The following MTHFD1L variants were observed in gnomAD, a reference collection of about 807,000 sequenced individuals.
MTHFD1L encodes the protein methylenetetrahydrofolate dehydrogenase (NADP+ dependent) 1 like.
MTHFD1L carries 81 observed loss-of-function variants against 119.5 expected under a neutral mutation model. The ratio of observed to expected loss-of-function variants is 0.68; its 90% confidence interval spans 0.57 to 0.82. The LOEUF (loss-of-function observed/expected upper bound fraction) is 0.82, where lower values mean the gene tolerates loss of function less well. Ranked by LOEUF, MTHFD1L falls within the 40% of genes least tolerant of loss-of-function variation. The pLI, the probability that MTHFD1L is intolerant of heterozygous loss-of-function variation, is 0.00. For missense variants in MTHFD1L, 1,125 were observed against 1,253.4 expected (o/e 0.90, Z 1.55); for synonymous variants, 430 against 475.2 (o/e 0.90, Z 1.24).
At chr6:151,086,110 A>G (rs1793770378) in intron 26 of MTHFD1L, among the ~76,000 whole-genome samples, 1 of 152,174 alleles carries the variant, frequency 6.6e-6, no homozygotes, top group Non-Finnish European at 1.5e-5. Context: ...AAGAGCACAC[A>G]CCATCAACCC....
intron 26 of MTHFD1L, among the ~76,000 whole-genome samples, chr6:151,045,307 A>G (rs1195639030): frequency 6.6e-6 from 1 of 152,046 alleles, no homozygotes. Context: ...TGCGCTCCCC[A>G]TGATGTGAGA....
At chr6:150,959,375 G>A (rs139638803) in intron 17 of MTHFD1L, 8 of 194,518 alleles carry the variant, frequency 4.1e-5, no homozygotes, top group African/African-American at 1.7e-4. Context: ...AAGCTGGGGC[G>A]TAATGAAGTG....
chr6:150,953,291 C>T (rs1399010162), intron 16 of MTHFD1L, among the ~76,000 whole-genome samples: 1 of 152,134 alleles, frequency 6.6e-6, no homozygotes, highest in African/African-American at 2.4e-5. Context: ...AGGACATAGT[C>T]AGCACTGTAG....
intron 1 of MTHFD1L, chr6:150,866,259 A>T (rs1266855148): frequency 6.3e-6 from 9 of 1,436,080 alleles, no homozygotes; most frequent in Non-Finnish European, 8.2e-6. Flanking sequence ...CCAGTACCCG[A>T]CCGGGCCCGC....
At chr6:150,951,033 G>GTTTTTTT (rs562283052) in intron 16 of MTHFD1L, among the ~76,000 whole-genome samples, 3 of 125,922 alleles carry the variant, frequency 2.4e-5, no homozygotes, top group African/African-American at 5.8e-5. Flanking sequence ...AAACTTTATG[G>GTTTTTTT]TTTTTTTTTT....
intron 20 of MTHFD1L, among the ~76,000 whole-genome samples, chr6:151,002,719 G>A (rs1415051110): frequency 6.6e-6 from 1 of 152,210 alleles, no homozygotes; most frequent in African/African-American, 2.4e-5. Context: ...AGTGCACAGG[G>A]TTACAACGAT....
At chr6:150,929,446 T>G (rs75064188) in intron 11 of MTHFD1L, among the ~76,000 whole-genome samples, 213 of 152,300 alleles carry the variant, frequency 1.4e-3, no homozygotes, top group Non-Finnish European at 2.6e-3. Context: ...CTTTACTCCA[T>G]TTTGGGCTTG....
At chr6:151,083,280 C>A (rs1793392327) in intron 26 of MTHFD1L, among the ~76,000 whole-genome samples, 1 of 152,166 alleles carries the variant, frequency 6.6e-6, no homozygotes, top group Admixed American at 6.5e-5. Flanking sequence ...TCACTGCAAC[C>A]TCTGCCTCCC....
At chr6:150,871,287 A>G (rs1024992467) in intron 1 of MTHFD1L, among the ~76,000 whole-genome samples, 7 of 149,652 alleles carry the variant, frequency 4.7e-5, no homozygotes, top group African/African-American at 1.7e-4. Flanking sequence ...GCTAAAGATT[A>G]GGGTGGCTGT....
At position 150,926,149 on chromosome 6, in the gene MTHFD1L, T is replaced by A. The variant is rs1361752357; in HGVS notation, c.1110T>A (p.Thr370=). 2 of 1,613,970 alleles carry A rather than the reference T, an allele frequency of 1.2e-6. No individual in the cohort carries two copies. ...ACATTGAGATTTCAAGAGGACAAAC[T>A]CCAAAAGCTGTGGATGTCCTTGCCA... ...PSDIEISRGQ[T]PKAVDVLAKE... is the part of the protein sequence containing the mutation. Residue 370 remains threonine (T), a synonymous_variant, in exon 11 of 28, where the codon ACT becomes ACA. Transcript: ENST00000367321. This position sits in a 1 kb window ranked among gnomAD's most constrained non-coding sequence, Gnocchi z 4.3.
rs146167212 is a variant in MTHFD1L, at chr6:150,919,471, C to T, written c.984+803C>T. 1.6e-3 allele frequency among the ~76,000 whole-genome samples: 244 copies of T among 152,186 alleles called. 1 individual carries two copies. Among genetic ancestry groups the T allele is most frequent in the African/African-American group, 5.5e-3 (229 of 41,534 alleles). ...AACTCCTGGCCTCATGTGATCCACC[C>T]GCCTTGGCCTCCCAAAGTGCTGGGA... On this transcript the variant is annotated intron_variant, in intron 9 of 27. Transcript: ENST00000367321.
chr6:151,008,982 T>A (rs1390546573), intron 20 of MTHFD1L, among the ~76,000 whole-genome samples: 6 of 149,020 alleles, frequency 4.0e-5, no homozygotes, highest in Middle Eastern at 3.3e-3. Flanking sequence ...ATTAGCCGGG[T>A]GTGGTGGTGG....
intron 27 of MTHFD1L, among the ~76,000 whole-genome samples, chr6:151,096,736 T>C (rs76129061): frequency 0.015 from 2,279 of 152,324 alleles, 58 homozygotes; most frequent in African/African-American, 0.052. Flanking sequence ...AGGAAAGTGT[T>C]GAAGGCGCGT....
intron 20 of MTHFD1L, among the ~76,000 whole-genome samples, chr6:150,994,445 G>C (rs12175302): frequency 0.11 from 16,070 of 152,108 alleles, 1,511 homozygotes; most frequent in East Asian, 0.54. Flanking sequence ...CCAATCCACT[G>C]TCAGCGTGAC....
chr6:150,995,539 C>T (rs113929087), intron 20 of MTHFD1L, among the ~76,000 whole-genome samples: 6 of 151,110 alleles, frequency 4.0e-5, no homozygotes, highest in African/African-American at 1.2e-4. Flanking sequence ...AAATGCTTAC[C>T]GGGACATCTC....
intron 19 of MTHFD1L, among the ~76,000 whole-genome samples, chr6:150,971,426 T>G (rs1164038229): frequency 6.6e-6 from 1 of 152,194 alleles, no homozygotes; most frequent in African/African-American, 2.4e-5. Flanking sequence ...CTTGAACTCC[T>G]GACCTCAGGC....
At chr6:151,015,826 C>A in intron 24 of MTHFD1L, 133 bp downstream of exon 24, 4 of 1,106,518 alleles carry the variant, frequency 3.6e-6, no homozygotes, top group Non-Finnish European at 5.0e-6. Flanking sequence ...GTGGCTCACG[C>A]CTGTAATCCC....
intron 20 of MTHFD1L, among the ~76,000 whole-genome samples, chr6:150,988,456 T>C (rs1002962989): frequency 6.6e-6 from 1 of 152,202 alleles, no homozygotes; most frequent in African/African-American, 2.4e-5. Context: ...GTGCTGTTCT[T>C]ACACAAAGAA....
At chr6:150,997,394 G>A (rs778573416) in intron 20 of MTHFD1L, among the ~76,000 whole-genome samples, 132 of 152,102 alleles carry the variant, frequency 8.7e-4, no homozygotes, top group Non-Finnish European at 3.8e-4. Flanking sequence ...TTTGCTGTCC[G>A]GCTCCAAGTC....
Sources: allele counts gnomAD v4.1 joint callset (sites outside exome capture counted in the v4.1 genomes callset), GRCh38; gene constraint gnomAD v4.1.1; non-coding constraint Gnocchi (gnomAD v3.1); transcripts MANE v1.5; gene names NCBI Gene and HGNC (gene_info 2026-07-23, HGNC 2026-07-21).